BRD8: variants seen among roughly 807,000 people sequenced by gnomAD.
BRD8 encodes the protein bromodomain-containing protein 8.
In BRD8, 67 loss-of-function variants were observed where a neutral mutation model predicts 143.1. The observed-to-expected ratio is 0.47, with a 90% CI of 0.38 to 0.57. The LOEUF (loss-of-function observed/expected upper bound fraction) is 0.57, where lower values mean the gene tolerates loss of function less well. BRD8 is among the 20% of genes least tolerant of loss of function. BRD8 has a pLI of 0.00. For missense variants in BRD8, 1,103 were observed against 1,503.0 expected (o/e 0.73, Z 4.40); for synonymous variants, 505 against 517.1 (o/e 0.98, Z 0.32).
intron 1 of BRD8, among the ~76,000 whole-genome samples, chr5:138,177,981 A>G (rs980781728): frequency 2.6e-5 from 4 of 152,220 alleles, no homozygotes; most frequent in Non-Finnish European, 4.4e-5. Flanking sequence ...CAGTTTTAAG[A>G]ATACTGGACT....
At position 138,168,679 on chromosome 5, in the gene BRD8, C is replaced by T. The variant is rs370675053; in HGVS notation, c.642+543G>A. 38 of 1,572,240 alleles carry T rather than the reference C, an allele frequency of 2.4e-5. No homozygotes were observed. In the African/African-American group the frequency reaches 3.0e-4, roughly 12 times the overall value. On this transcript the variant is annotated intron_variant, in intron 8 of 26. Coordinates refer to ENST00000254900, the MANE Select transcript of BRD8 (RefSeq NM_139199.2). Reference sequence around the variant, plus strand: ...GTGACTGGGGTACTCGGCAAAGTCCCGGGGGTTACCTAAGAGACAACAGAG... The same window carrying T: ...GTGACTGGGGTACTCGGCAAAGTCCTGGGGGTTACCTAAGAGACAACAGAG...
intron 24 of BRD8, 93 bp from the exon 25 acceptor site, chr5:138,145,338 G>A: frequency 9.2e-7 from 1 of 1,087,466 alleles, no homozygotes; most frequent in South Asian, 1.5e-5. Context: ...CTTCCTTTAG[G>A]GGAATGCAGA....
chr5:138,153,673 C>CTT lies in BRD8; in HGVS notation c.2578-915_2578-914dup, dbSNP rs67848204. Among the ~76,000 whole-genome samples, 47 of 107,346 alleles carry CTT rather than the reference C, an allele frequency of 4.4e-4. 1 individual carries two copies. Among genetic ancestry groups the CTT allele is most frequent in the African/African-American group, 6.0e-4 (18 of 30,192 alleles). The allele number at this position is 107,346 out of a possible 152,430, so 70.4% of individuals were successfully genotyped here. On this transcript the variant is annotated intron_variant, in intron 20 of 26. Transcript: ENST00000254900. ...CCCCATCACCATTTTCTTTTCTTTT[C>CTT]TTTTTTTTTTTTTTTTTTTTTGAAC...
chr5:138,164,245 T>C (rs1266515430), intron 13 of BRD8, 75 bp downstream of exon 13: 1 of 1,577,500 alleles, frequency 6.3e-7, no homozygotes, highest in Admixed American at 1.7e-5. Flanking sequence ...CTACCTCCTC[T>C]ACTTGCCCAC....
At chr5:138,160,219 A>G in intron 18 of BRD8, 46 bp from the exon 19 acceptor site, 1 of 1,333,794 alleles carries the variant, frequency 7.5e-7, no homozygotes, top group South Asian at 1.2e-5. Context: ...CTGATTTAGT[A>G]GGGACAAATT....
Position 138,163,227 on chromosome 5 carries a change from C to T in BRD8, c.1990G>A (p.Val664Met). 6.2e-7 allele frequency: 1 copy of T among 1,614,116 alleles called. No homozygotes were observed. Among genetic ancestry groups the T allele is most frequent in the South Asian group, 1.1e-5 (1 of 91,080 alleles). The change falls in exon 15 of 27, where the codon GTG becomes ATG. Residue 664 changes from valine (V) to methionine (M), a missense_variant. Physicochemically the swap from Val to Met is conservative, Grantham distance 21. Around this residue, in one of 7 missense-constraint regions of BRD8, gnomAD observed 75 missense variants for 111.7 expected, o/e 0.67. Transcript: ENST00000254900. ...YLSEMDNEPP[V>M]SESDDGFSIH... The stretch of plus-strand genomic sequence containing the variant: ...CTGAAGCCATCATCACTCTCGCTCA[C>T]AGGAGGTTCATTATCCATTTCTGAC...
At chr5:138,156,836 A>G in intron 20 of BRD8, 1 of 992,418 alleles carries the variant, frequency 1.0e-6, no homozygotes, top group Non-Finnish European at 1.2e-6. Flanking sequence ...ACACACACAC[A>G]CACACACACA....
At position 138,164,865 on chromosome 5, in the gene BRD8, C is replaced by G; in HGVS notation, c.1580G>C (p.Gly527Ala). ...PVISGAEIVA[G>A]VVPATSMEPP... ...CTCCATACTTGTGGCTGGAACAACT[C>G]CAGCTACTATTTCGGCTCCTGAAAT... is the stretch of plus-strand genomic sequence containing the variant. Residue 527 changes from glycine (G) to alanine (A), a missense_variant, in exon 12 of 27, where the codon GGA (glycine) becomes GCA (alanine). Gly to Ala is a moderately conservative substitution (Grantham distance 60, BLOSUM62 0). This residue lies in a region of BRD8 where 139 missense variants were observed against 139.0 expected (regional missense o/e 1.00). Transcript: ENST00000254900. 1.2e-6 allele frequency: 2 copies of G among 1,614,232 alleles called. No homozygotes were observed. The highest frequency in any genetic ancestry group is 1.7e-6 in the Non-Finnish European group (2 of 1,180,050).
chr5:138,155,007 T>C (rs990522433), intron 20 of BRD8, among the ~76,000 whole-genome samples: 6 of 151,886 alleles, frequency 4.0e-5, no homozygotes, highest in African/African-American at 1.5e-4. Context: ...TTTTTTGTAT[T>C]TTTAGTAGAG....
intron 25 of BRD8, among the ~76,000 whole-genome samples, chr5:138,142,040 A>T (rs1751929539): frequency 6.6e-6 from 1 of 152,220 alleles, no homozygotes; most frequent in Admixed American, 6.5e-5. Flanking sequence ...CCCAAGTGCA[A>T]CAGTATTAAG....
In BRD8 at chr5:138,169,339, T is replaced by C; in HGVS notation, c.525A>G (p.Thr175=). The change falls in exon 8 of 27, where the codon ACA becomes ACG. Residue 175 remains threonine, a synonymous_variant. Coordinates refer to ENST00000254900, the MANE Select transcript of BRD8 (RefSeq NM_139199.2). ...AAYQARQAVK[T]PPRRLPTVMV... is the part of the protein sequence containing the mutation. ...TCACAGTGGGTAACCTCCGGGGGGG[T>C]GTTTTTACTGCTTGACGAGCTAGAA... The C allele has an allele frequency of 6.2e-7, 1 of 1,613,420 alleles. No individual in the cohort carries two copies. The highest frequency in any genetic ancestry group is 8.5e-7 in the Non-Finnish European group (1 of 1,179,780).
chr5:138,161,871 A>C lies in BRD8; in HGVS notation c.2181-7T>G, dbSNP rs776073158. 6.3e-5 allele frequency: 101 copies of C among 1,613,884 alleles called. No individual in the cohort carries two copies. Among genetic ancestry groups the C allele is most frequent in the Non-Finnish European group, 8.1e-5 (95 of 1,179,910 alleles). On this transcript the variant is annotated splice_region_variant and splice_polypyrimidine_tract_variant and intron_variant, in intron 16 of 26. Coordinates refer to ENST00000254900, the MANE Select transcript of BRD8 (RefSeq NM_139199.2). Reference sequence around the variant, plus strand: ...CAGGAAGACATTGGCATACCTGTCCAAAAGGAATAAGGTGCAATTACTGAC... The same window carrying C: ...CAGGAAGACATTGGCATACCTGTCCCAAAGGAATAAGGTGCAATTACTGAC...
At chr5:138,159,497 C>G in intron 20 of BRD8, 58 bp downstream of exon 20, 2 of 1,575,856 alleles carry the variant, frequency 1.3e-6, no homozygotes, top group Admixed American at 3.3e-5. Context: ...CACCCACCCC[C>G]ATTAAGAGCT....
At position 138,140,731 on chromosome 5, in the gene BRD8, G is replaced by A. The variant is rs781295870; in HGVS notation, c.3589C>T (p.Arg1197Trp). ...TGAATCTGCTCCAGGACTTCTTGCC[G>A]CATCTCCACAGCCATATGGTATACA... ...HHVYHMAVEM[R>W]QEVLEQIQVL... Residue 1197 changes from arginine to tryptophan, a missense_variant, in exon 26 of 27, where the codon CGG becomes TGG. By Grantham distance (101) the Arg-to-Trp change is moderately radical (BLOSUM62 -3). Transcript: ENST00000254900. The A allele has an allele frequency of 1.1e-5, 17 of 1,613,930 alleles. No homozygotes were observed. Among genetic ancestry groups the A allele is most frequent in the South Asian group, 8.8e-5 (8 of 91,084 alleles).
chr5:138,166,333 C>T (rs1753419933), intron 10 of BRD8, 185 bp downstream of exon 10: 2 of 615,670 alleles, frequency 3.2e-6, no homozygotes, highest in South Asian at 4.1e-5. Flanking sequence ...TCCTGCAATA[C>T]ATAAATGCCC....
chr5:138,141,380 T>C (rs1157604745), intron 25 of BRD8, among the ~76,000 whole-genome samples: 1 of 152,220 alleles, frequency 6.6e-6, no homozygotes, highest in Non-Finnish European at 1.5e-5. Flanking sequence ...TCCACCTTCC[T>C]TGGCCTCCCA....
chr5:138,143,983 C>G (rs182778533), intron 25 of BRD8, among the ~76,000 whole-genome samples: 1 of 152,288 alleles, frequency 6.6e-6, no homozygotes, highest in East Asian at 1.9e-4. Flanking sequence ...TCTTTCACTC[C>G]GCAATAAATC....
chr5:138,156,235 G>A (rs1201433402), intron 20 of BRD8, among the ~76,000 whole-genome samples: 1 of 152,008 alleles, frequency 6.6e-6, no homozygotes, highest in Non-Finnish European at 1.5e-5. Context: ...CGCCTCCCGG[G>A]TTCAAGTGCT....
At position 138,139,958 on chromosome 5, in the gene BRD8, A is replaced by G. The variant is rs1415319536; in HGVS notation, c.*116T>C. Reference sequence around the variant, plus strand: ...TGACTCGTTGGTTGTGAGTTAAGGTATTATTCTTGTTGGAAAAGAAAATGA... The same window carrying G: ...TGACTCGTTGGTTGTGAGTTAAGGTGTTATTCTTGTTGGAAAAGAAAATGA... On this transcript the variant is annotated 3_prime_UTR_variant, in exon 27 of 27. Coordinates refer to ENST00000254900, the MANE Select transcript of BRD8 (RefSeq NM_139199.2). The G allele has an allele frequency of 1.1e-5, 9 of 787,476 alleles. No individual in the cohort carries two copies. The East Asian group carries it at 1.5e-4, about 13-fold the overall frequency. 48.8% of individuals were successfully genotyped at this position (787,476 alleles called of 1,614,324 possible).
Sources: gnomAD v4.1 joint callset for allele counts (sites outside exome capture counted in the v4.1 genomes callset) on GRCh38, gnomAD v4.1.1 for gene constraint, gnomAD v4.1.1 regional missense constraint, MANE v1.5 for transcripts, NCBI Gene and HGNC (gene_info 2026-07-23, HGNC 2026-07-21) for gene names.